Variants in RIC1 observed in about 807,000 individuals in gnomAD.
RIC1 encodes guanine nucleotide exchange factor subunit RIC1.
In RIC1, 88 loss-of-function variants were observed where a neutral mutation model predicts 169.0. The observed-to-expected ratio is 0.52, with a 90% CI of 0.44 to 0.62. The LOEUF is 0.62. Among genes scored for constraint, RIC1 ranks in the 20% least tolerant of loss-of-function variants. RIC1 has a pLI of 0.00. For missense variants in RIC1, 1,877 were observed against 1,725.5 expected (o/e 1.09, Z -1.56); for synonymous variants, 790 against 601.5 (o/e 1.31, Z -4.59).
At chr9:5,765,274 A>T in intron 19 of RIC1, 140 bp from the exon 20 acceptor site, 1 of 834,690 alleles carries the variant, frequency 1.2e-6, no homozygotes, top group Non-Finnish European at 1.9e-6. Flanking sequence ...CTTGTATGGT[A>T]CTTTTTAATC....
chr9:5,636,323 T>C (rs1817969268), intron 1 of RIC1, among the ~76,000 whole-genome samples: 1 of 152,168 alleles, frequency 6.6e-6, no homozygotes, highest in Admixed American at 6.5e-5. Context: ...TTCTTTTTCT[T>C]TTTCTGTTTT....
At chr9:5,756,503 C>A in intron 16 of RIC1, 131 bp downstream of exon 16, 2 of 495,118 alleles carry the variant, frequency 4.0e-6, no homozygotes, top group South Asian at 7.4e-5. Context: ...GTAAAAAAAG[C>A]AAGGAGTTTT....
At chr9:5,729,827 T>A (rs929898239) in intron 6 of RIC1, among the ~76,000 whole-genome samples, 1 of 144,914 alleles carries the variant, frequency 6.9e-6, no homozygotes, top group African/African-American at 2.5e-5. Context: ...AAAAATAAAC[T>A]TTTGATGAAT....
chr9:5,767,679 C>T (rs986054061), intron 21 of RIC1, among the ~76,000 whole-genome samples: 1 of 152,132 alleles, frequency 6.6e-6, no homozygotes, highest in Non-Finnish European at 1.5e-5. Context: ...TCTCCGCCTC[C>T]CAGGTTCAAG....
chr9:5,741,154 T>G (rs1825061385), intron 8 of RIC1, among the ~76,000 whole-genome samples: 1 of 152,196 alleles, frequency 6.6e-6, no homozygotes, highest in African/African-American at 2.4e-5. Flanking sequence ...ATTGAAGAAT[T>G]TGTTCCAGTG....
chr9:5,762,402 C>T, intron 17 of RIC1, 139 bp from the exon 18 acceptor site: 1 of 1,024,842 alleles, frequency 9.8e-7, no homozygotes, highest in South Asian at 2.0e-5. Flanking sequence ...CCCACAGAGC[C>T]TAGCAGAATG....
intron 2 of RIC1, among the ~76,000 whole-genome samples, chr9:5,678,085 A>T (rs943781214): frequency 6.7e-6 from 1 of 150,308 alleles, no homozygotes; most frequent in Non-Finnish European, 1.5e-5. Flanking sequence ...CCTATGAGTG[A>T]GAACATGCGG....
intron 6 of RIC1, among the ~76,000 whole-genome samples, chr9:5,722,761 A>C (rs192370916): frequency 6.6e-6 from 1 of 151,948 alleles, no homozygotes; most frequent in Non-Finnish European, 1.5e-5. Context: ...CTTGTGTCCA[A>C]GTGTTCTCAT....
intron 2 of RIC1, among the ~76,000 whole-genome samples, chr9:5,658,602 A>G (rs1045028311): frequency 7.9e-5 from 12 of 152,108 alleles, no homozygotes; most frequent in African/African-American, 2.9e-4. Flanking sequence ...TACAACCCGA[A>G]GTAGAATCTA....
chr9:5,629,238 A>G lies in RIC1; in HGVS notation c.-72A>G, dbSNP rs1269880368. On this transcript the variant is annotated 5_prime_UTR_variant, in exon 1 of 26. Coordinates refer to ENST00000414202, the MANE Select transcript of RIC1 (RefSeq NM_020829.4). ...CCGACTCGGCCGGTGGCGGTGTGGGAGGTGGGCGACCAGCCCGGGGCCGCT... is the reference window on the plus strand; with the variant it reads ...CCGACTCGGCCGGTGGCGGTGTGGGGGGTGGGCGACCAGCCCGGGGCCGCT... The G allele has an allele frequency of 1.0e-5, 13 of 1,279,684 alleles. No homozygotes were observed. The South Asian group carries it at 2.7e-4, about 26-fold the overall frequency. The allele number at this position is 1,279,684 out of a possible 1,614,324, so 79.3% of individuals were successfully genotyped here. A position where few individuals can be genotyped will look rare whatever the true frequency, so the allele number is the denominator to read the frequency against.
Position 5,753,601 on chromosome 9 carries a change from C to A in RIC1, c.1557C>A (p.Tyr519Ter). 6.2e-7 allele frequency: 1 copy of A among 1,610,598 alleles called. No individual in the cohort carries two copies. The highest frequency in any genetic ancestry group is 8.5e-7 in the Non-Finnish European group (1 of 1,178,438). The change falls in exon 14 of 26, where the codon TAC (tyrosine) becomes TAA (stop). Residue 519 changes from tyrosine to a stop codon, truncating the protein, a stop_gained. Transcript: ENST00000414202. LOFTEE classifies it high-confidence loss of function. ...TTGGCAAGTTTGGTTTTGCACATTACTCTTTACTCACCAAAAAATGGAAAC... is the reference window on the plus strand; with the variant it reads ...TTGGCAAGTTTGGTTTTGCACATTAATCTTTACTCACCAAAAAATGGAAAC... ...AVVGKFGFAH[Y>*]SLLTKKWKLF...
chr9:5,631,312 C>G (rs1331616378), intron 1 of RIC1, among the ~76,000 whole-genome samples: 2 of 151,986 alleles, frequency 1.3e-5, no homozygotes, highest in Non-Finnish European at 2.9e-5. Flanking sequence ...TTCTGTTGTG[C>G]AAAAGTTAGG....
rs373591285 is a variant in RIC1 at position 5,770,193 on chromosome 9, T to C, written c.3531T>C (p.Ile1177=). Residue 1177 remains isoleucine (I), a synonymous_variant, in exon 23 of 26, where the codon ATT becomes ATC. Coordinates refer to ENST00000414202, the MANE Select transcript of RIC1 (RefSeq NM_020829.4). ...GAAGTCAGAGCTGGCTCAGCAACAT[T>C]GGCCCCACCCATCATGAGATAGACA... ...IQRSQSWLSN[I]GPTHHEIDTA... is the part of the protein sequence containing the mutation. 4 of 1,614,026 alleles carry C rather than the reference T, an allele frequency of 2.5e-6. No individual in the cohort carries two copies. Among genetic ancestry groups the C allele is most frequent in the South Asian group, 2.2e-5 (2 of 91,078 alleles).
Position 5,773,061 on chromosome 9 carries a change from C to T in RIC1, c.3964C>T (p.Arg1322Ter), listed in dbSNP as rs747842408. The T allele has an allele frequency of 1.2e-6, 2 of 1,611,704 alleles. No individual in the cohort carries two copies. The highest frequency in any genetic ancestry group is 1.7e-6 in the Non-Finnish European group (2 of 1,178,718). ...NIKTGLHAVDRWASTDCPGYK... is the reference protein window; with the variant it reads ...NIKTGLHAVD ...AAAGACAGGGCTCCATGCAGTGGAC[C>T]GATGGGCCTCTACAGACTGGTAAGT... The change falls in exon 25 of 26, where the codon CGA (arginine) becomes TGA (stop). Residue 1322 changes from arginine (R) to a stop codon, truncating the protein, a stop_gained. Transcript: ENST00000414202. LOFTEE classifies it high-confidence loss of function.
intron 1 of RIC1, among the ~76,000 whole-genome samples, chr9:5,653,580 A>C (rs895646113): frequency 1.1e-4 from 15 of 142,608 alleles, no homozygotes; most frequent in African/African-American, 3.4e-4. Flanking sequence ...GTCTCCATTT[A>C]TTTTTTTCTT....
intron 1 of RIC1, among the ~76,000 whole-genome samples, chr9:5,650,056 T>TG (rs1341983046): frequency 1.3e-5 from 2 of 152,146 alleles, no homozygotes; most frequent in African/African-American, 2.4e-5. Context: ...GGCCAGTCCT[T>TG]GGGCACCAGT....
In RIC1 at chr9:5,650,637, G is replaced by C. The variant is rs186698689; in HGVS notation, c.145-5946G>C. 3.0e-4 allele frequency among the ~76,000 whole-genome samples: 45 copies of C among 152,134 alleles called. 1 individual carries two copies. The highest frequency in any genetic ancestry group is 8.5e-4 in the Admixed American group (13 of 15,288). On this transcript the variant is annotated intron_variant, in intron 1 of 25. Coordinates refer to ENST00000414202, the MANE Select transcript of RIC1 (RefSeq NM_020829.4). ...GCATGCTGGGAGATTCTGTCCTCAG[G>C]ACATGTTCAAGTGTGCTGCAGTCTT...
At chr9:5,755,847 C>T (rs1439283993) in intron 15 of RIC1, among the ~76,000 whole-genome samples, 5 of 152,016 alleles carry the variant, frequency 3.3e-5, no homozygotes, top group Admixed American at 6.6e-5. Context: ...TGCTTGAACC[C>T]GGAAGGCGGA....
chr9:5,670,910 A>G (rs1820050457), intron 2 of RIC1, among the ~76,000 whole-genome samples: 1 of 152,164 alleles, frequency 6.6e-6, no homozygotes, highest in Non-Finnish European at 1.5e-5. Context: ...AGGTGTGGAA[A>G]ATGGTCTTCA....
Sources: allele counts gnomAD v4.1 joint callset (sites outside exome capture counted in the v4.1 genomes callset), GRCh38; gene constraint gnomAD v4.1.1; transcripts MANE v1.5; gene names NCBI Gene and HGNC (gene_info 2026-07-23, HGNC 2026-07-21).